C13orf42: variants seen among roughly 807,000 people sequenced by gnomAD.
C13orf42 encodes uncharacterized protein C13orf42.
intron 1 of C13orf42, among the ~76,000 whole-genome samples, chr13:51,147,626 G>A (rs984652987): frequency 1.1e-4 from 16 of 152,136 alleles, no homozygotes; most frequent in Non-Finnish European, 2.1e-4. Flanking sequence ...CTACTCGGGA[G>A]GCTGAGGCTG....
At chr13:51,167,463 C>A (rs942456896) in intron 1 of C13orf42, among the ~76,000 whole-genome samples, 1 of 152,164 alleles carries the variant, frequency 6.6e-6, no homozygotes. Context: ...AAGCCCATGA[C>A]TCAAGGATTC....
intron 1 of C13orf42, among the ~76,000 whole-genome samples, chr13:51,098,497 T>C (rs1178559917): frequency 6.6e-6 from 1 of 152,164 alleles, no homozygotes; most frequent in Non-Finnish European, 1.5e-5. Context: ...GCTCATTTTC[T>C]ATCTCATTGG....
At chr13:51,144,765 C>T (rs1012057891) in intron 1 of C13orf42, among the ~76,000 whole-genome samples, 16 of 152,162 alleles carry the variant, frequency 1.1e-4, no homozygotes, top group African/African-American at 3.9e-4. Context: ...GAAATTTCAC[C>T]CAACTCATGG....
At chr13:51,157,311 G>A (rs1170267457) in intron 1 of C13orf42, among the ~76,000 whole-genome samples, 1 of 152,204 alleles carries the variant, frequency 6.6e-6, no homozygotes, top group South Asian at 2.1e-4. Flanking sequence ...GTGTGCACGT[G>A]TAGTCCCAGC....
chr13:51,090,245 T>C (rs1377605470), intron 1 of C13orf42, among the ~76,000 whole-genome samples: 1 of 152,212 alleles, frequency 6.6e-6, no homozygotes, highest in Non-Finnish European at 1.5e-5. Flanking sequence ...AATTCATCCA[T>C]TGAATCTTGG....
chr13:51,108,163 A>G (rs1298545482), intron 1 of C13orf42, among the ~76,000 whole-genome samples: 1 of 152,062 alleles, frequency 6.6e-6, no homozygotes, highest in Admixed American at 6.6e-5. Context: ...CACCAGTCCT[A>G]TGGGATTAGG....
chr13:51,166,391 A>C (rs894853664), intron 1 of C13orf42, among the ~76,000 whole-genome samples: 6 of 140,890 alleles, frequency 4.3e-5, no homozygotes, highest in African/African-American at 1.6e-4. Context: ...GGAATTGAAC[A>C]ATGAGATCAC....
chr13:51,136,069 C>T (rs1953655442), intron 1 of C13orf42, among the ~76,000 whole-genome samples: 1 of 152,120 alleles, frequency 6.6e-6, no homozygotes, highest in Non-Finnish European at 1.5e-5. Flanking sequence ...CATCCATCCG[C>T]AAACTTCCCA....
At chr13:51,150,709 C>A (rs1360703374) in intron 1 of C13orf42, among the ~76,000 whole-genome samples, 1 of 152,118 alleles carries the variant, frequency 6.6e-6, no homozygotes, top group African/African-American at 2.4e-5. Flanking sequence ...CTTGTGCCAC[C>A]AGAAAGATAC....
chr13:51,147,412 A>T (rs1953743975), intron 1 of C13orf42, among the ~76,000 whole-genome samples: 1 of 149,242 alleles, frequency 6.7e-6, no homozygotes, highest in Non-Finnish European at 1.5e-5. Context: ...GTGATCCTCC[A>T]GGGCTCTGTG....
At chr13:51,163,292 C>CGA (rs1953880564) in intron 1 of C13orf42, among the ~76,000 whole-genome samples, 1 of 152,106 alleles carries the variant, frequency 6.6e-6, no homozygotes, top group Non-Finnish European at 1.5e-5. Context: ...ATTTTACTTT[C>CGA]TCCAGCTTTT....
chr13:51,141,510 A>G (rs1338278994), intron 1 of C13orf42, among the ~76,000 whole-genome samples: 1 of 152,158 alleles, frequency 6.6e-6, no homozygotes, highest in Non-Finnish European at 1.5e-5. Flanking sequence ...GCTTAAAGAA[A>G]AATAAAAGGC....
intron 1 of C13orf42, among the ~76,000 whole-genome samples, chr13:51,108,077 T>C (rs1268186568): frequency 6.6e-6 from 1 of 152,208 alleles, no homozygotes; most frequent in Admixed American, 6.5e-5. Flanking sequence ...TCCTGGCTTC[T>C]GGTAGGTCCT....
chr13:51,150,200 G>T (rs1953768208), intron 1 of C13orf42, among the ~76,000 whole-genome samples: 1 of 152,190 alleles, frequency 6.6e-6, no homozygotes, highest in Admixed American at 6.5e-5. Flanking sequence ...TCGTTTGTGG[G>T]ACCCCCACAT....
chr13:51,086,356 A>G (rs568227933), intron 2 of C13orf42, among the ~76,000 whole-genome samples: 5 of 151,958 alleles, frequency 3.3e-5, no homozygotes, highest in Non-Finnish European at 7.4e-5. Context: ...ACACAGATCT[A>G]TATTTATGGG....
At chr13:51,085,668 G>A in intron 2 of C13orf42, 109 bp from the exon 3 acceptor site, 1 of 397,156 alleles carries the variant, frequency 2.5e-6, no homozygotes, top group Non-Finnish European at 4.4e-6. Context: ...ATGGGTGTAG[G>A]CAACCATGTT....
chr13:51,100,638 T>C (rs1953280118), intron 1 of C13orf42, among the ~76,000 whole-genome samples: 1 of 152,170 alleles, frequency 6.6e-6, no homozygotes, highest in Non-Finnish European at 1.5e-5. Context: ...ATCTATCAAA[T>C]TGGCAAACTT....
At chr13:51,162,134 A>G (rs1953869804) in intron 1 of C13orf42, 2 of 285,046 alleles carry the variant, frequency 7.0e-6, no homozygotes, top group Admixed American at 7.4e-5. Flanking sequence ...GTCCCATTCT[A>G]TATGGGCATA....
intron 1 of C13orf42, among the ~76,000 whole-genome samples, chr13:51,145,627 T>C (rs538585464): frequency 6.6e-6 from 1 of 152,276 alleles, no homozygotes; most frequent in South Asian, 2.1e-4. Flanking sequence ...TAGGGCAAAC[T>C]TGCCTCCCAT....
Sources: allele counts gnomAD v4.1 joint callset (sites outside exome capture counted in the v4.1 genomes callset), GRCh38; gene constraint gnomAD v4.1.1; transcripts MANE v1.5; gene names NCBI Gene and HGNC (gene_info 2026-07-23, HGNC 2026-07-21).